The following ARHGAP15 variants were observed in gnomAD, a reference collection of about 807,000 sequenced individuals.
The protein encoded by ARHGAP15 is rho GTPase-activating protein 15.
ARHGAP15 carries 51 observed loss-of-function variants against 63.7 expected under a neutral mutation model. The observed-to-expected ratio is 0.80, with a 90% confidence interval of 0.64 to 1.01. The LOEUF is 1.01. Among genes scored for constraint, ARHGAP15 ranks in the 50% least tolerant of loss-of-function variants. ARHGAP15 has a pLI of 0.00. For synonymous variants in ARHGAP15, 191 were observed against 193.8 expected, an observed-to-expected ratio of 0.99 and a Z score of 0.12; for missense variants, 560 against 564.6, an observed-to-expected ratio of 0.99 and a Z score of 0.08.
At chr2:143,500,070 A>G (rs13409451) in intron 9 of ARHGAP15, among the ~76,000 whole-genome samples, 41,652 of 151,722 alleles carry the variant, frequency 0.27, 6,982 homozygotes, top group Non-Finnish European at 0.38. Flanking sequence ...GAAATTTATG[A>G]AAAAGAAATA....
At chr2:143,250,674 A>G in intron 6 of ARHGAP15, 74 bp downstream of exon 6, 2 of 1,242,652 alleles carry the variant, frequency 1.6e-6, no homozygotes, top group Non-Finnish European at 2.3e-6. Context: ...CTAAAATAAG[A>G]CTACCTTCTT....
intron 6 of ARHGAP15, among the ~76,000 whole-genome samples, chr2:143,381,238 A>G (rs1208884872): frequency 1.3e-5 from 2 of 152,090 alleles, no homozygotes; most frequent in African/African-American, 2.4e-5. Context: ...TTTAAGGTGC[A>G]CTTCAGATTT....
chr2:143,162,062 C>T (rs771528556), intron 2 of ARHGAP15: 1 of 151,842 alleles, frequency 6.6e-6, no homozygotes, highest in Non-Finnish European at 1.5e-5. Flanking sequence ...AAATTCAGTT[C>T]CAGTGGAACA....
intron 12 of ARHGAP15, among the ~76,000 whole-genome samples, chr2:143,647,436 G>A (rs914220274): frequency 2.6e-4 from 39 of 151,508 alleles, no homozygotes; most frequent in African/African-American, 9.2e-4. Flanking sequence ...TCACATTACA[G>A]TGCTGATCGA....
chr2:143,481,512 G>T (rs1354621392), intron 8 of ARHGAP15, among the ~76,000 whole-genome samples: 1 of 152,172 alleles, frequency 6.6e-6, no homozygotes, highest in Non-Finnish European at 1.5e-5. Flanking sequence ...AGAAAGAGAT[G>T]TTCTGGCAGA....
At chr2:143,669,949 CACAA>C (rs1189815978) in intron 12 of ARHGAP15, among the ~76,000 whole-genome samples, 1 of 152,134 alleles carries the variant, frequency 6.6e-6, no homozygotes, top group African/African-American at 2.4e-5. Context: ...TTTAGGCTGA[CACAA>C]GCAACAAGGG....
At chr2:143,590,665 TATA>T (rs1348884292) in intron 11 of ARHGAP15, among the ~76,000 whole-genome samples, 16 of 152,314 alleles carry the variant, frequency 1.1e-4, no homozygotes, top group Non-Finnish European at 2.1e-4. Flanking sequence ...AATCGCCTTC[TATA>T]ATGTTTCTGT....
At chr2:143,720,451 G>A (rs540193131) in intron 13 of ARHGAP15, among the ~76,000 whole-genome samples, 7 of 152,224 alleles carry the variant, frequency 4.6e-5, no homozygotes, top group African/African-American at 1.2e-4. Context: ...CTCACCTCTC[G>A]CAACCGAGAC....
chr2:143,561,304 G>A (rs778590717), intron 11 of ARHGAP15, among the ~76,000 whole-genome samples: 8 of 152,182 alleles, frequency 5.3e-5, no homozygotes, highest in Non-Finnish European at 8.8e-5. Flanking sequence ...GGACAAGAGA[G>A]ATTGGCATTC....
At chr2:143,468,991 T>C (rs930949780) in intron 8 of ARHGAP15, among the ~76,000 whole-genome samples, 2 of 152,174 alleles carry the variant, frequency 1.3e-5, no homozygotes, top group South Asian at 4.1e-4. Context: ...GCCTTTCCTA[T>C]ATTAAAAAAT....
intron 6 of ARHGAP15, among the ~76,000 whole-genome samples, chr2:143,257,375 A>T (rs1057054177): frequency 6.6e-6 from 1 of 152,128 alleles, no homozygotes; most frequent in South Asian, 2.1e-4. Flanking sequence ...AAAACAAAAG[A>T]AAAAAGTCAA....
chr2:143,543,281 G>A (rs1559041075), intron 10 of ARHGAP15, among the ~76,000 whole-genome samples: 1 of 152,170 alleles, frequency 6.6e-6, no homozygotes, highest in Non-Finnish European at 1.5e-5. Context: ...TAATTTGCAT[G>A]TATCTGATGA....
intron 11 of ARHGAP15, among the ~76,000 whole-genome samples, chr2:143,568,285 A>C (rs1574644745): frequency 6.6e-6 from 1 of 152,246 alleles, no homozygotes; most frequent in Non-Finnish European, 1.5e-5. Flanking sequence ...ACAAAGGGCT[A>C]ATATCCAGAA....
chr2:143,232,896 T>C, intron 5 of ARHGAP15, among the ~76,000 whole-genome samples: 1 of 152,200 alleles, frequency 6.6e-6, no homozygotes. Flanking sequence ...TATTTTATCA[T>C]TCCATTTTTT....
chr2:143,541,156 C>T (rs1361832871), intron 10 of ARHGAP15, among the ~76,000 whole-genome samples: 1 of 152,130 alleles, frequency 6.6e-6, no homozygotes, highest in African/African-American at 2.4e-5. Context: ...CCCTTTCTGC[C>T]AGTTGATCGC....
intron 10 of ARHGAP15, among the ~76,000 whole-genome samples, chr2:143,537,630 T>C (rs1267271125): frequency 2.0e-5 from 3 of 152,340 alleles, no homozygotes; most frequent in African/African-American, 7.2e-5. Flanking sequence ...ATTTATTAAA[T>C]AGGGAATCCT....
chr2:143,617,000 AAG>A (rs1425894323), intron 11 of ARHGAP15, among the ~76,000 whole-genome samples: 1 of 152,198 alleles, frequency 6.6e-6, no homozygotes, highest in Non-Finnish European at 1.5e-5. Context: ...TAGTTGGACA[AAG>A]AATGAATATG....
intron 6 of ARHGAP15, among the ~76,000 whole-genome samples, chr2:143,349,622 CT>C (rs1364545266): frequency 6.6e-6 from 1 of 152,108 alleles, no homozygotes; most frequent in Admixed American, 6.6e-5. Flanking sequence ...TCATGTAAAT[CT>C]CTTAATGTAT....
At chr2:143,197,647 C>T (rs1293912374) in intron 2 of ARHGAP15, among the ~76,000 whole-genome samples, 1 of 151,928 alleles carries the variant, frequency 6.6e-6, no homozygotes, top group African/African-American at 2.4e-5. Context: ...TTGGAGTGAT[C>T]ACATATTTCT....
Sources: gnomAD v4.1 joint callset for allele counts (sites outside exome capture counted in the v4.1 genomes callset) on GRCh38, gnomAD v4.1.1 for gene constraint, MANE v1.5 for transcripts, NCBI Gene and HGNC (gene_info 2026-07-23, HGNC 2026-07-21) for gene names.